PTPRM: variants seen among roughly 807,000 people sequenced by gnomAD.
PTPRM encodes protein tyrosine phosphatase receptor type M, also known as receptor-type tyrosine-protein phosphatase mu.
PTPRM carries 47 observed loss-of-function variants against 186.7 expected under a neutral mutation model. That is an observed-to-expected ratio of 0.25 (90% confidence interval 0.20 to 0.32). The LOEUF (loss-of-function observed/expected upper bound fraction) is 0.32, where lower values mean the gene tolerates loss of function less well. Among genes scored for constraint, PTPRM ranks in the 10% least tolerant of loss-of-function variants. The pLI is 1.00. For missense variants in PTPRM, 1,494 were observed against 1,865.0 expected, an observed-to-expected ratio of 0.80 and a Z score of 3.66; for synonymous variants, 668 against 674.9, an observed-to-expected ratio of 0.99 and a Z score of 0.16.
intron 2 of PTPRM, among the ~76,000 whole-genome samples, chr18:7,789,932 G>C (rs2043259579): frequency 6.6e-6 from 1 of 152,322 alleles, no homozygotes; most frequent in South Asian, 2.1e-4. Flanking sequence ...AAATGAGGCA[G>C]TAGCTTCTTT....
intron 1 of PTPRM, among the ~76,000 whole-genome samples, chr18:7,665,473 G>C (rs1159597508): frequency 1.3e-5 from 2 of 152,106 alleles, no homozygotes; most frequent in Non-Finnish European, 1.5e-5. Flanking sequence ...GTAAGATCAG[G>C]TTCTAGTTTA....
At chr18:7,946,752 A>G (rs2052551440) in intron 5 of PTPRM, 1 of 338,770 alleles carries the variant, frequency 3.0e-6, no homozygotes, top group Admixed American at 4.0e-5. Context: ...ATTGTGTGGT[A>G]TAAACAAGAC....
At chr18:7,857,607 T>C (rs1467370564) in intron 2 of PTPRM, among the ~76,000 whole-genome samples, 4 of 152,166 alleles carry the variant, frequency 2.6e-5, no homozygotes, top group African/African-American at 7.2e-5. Flanking sequence ...TCTTCTCCAT[T>C]TGCCCTTCCT....
At chr18:7,586,781 G>T (rs1004880990) in intron 1 of PTPRM, among the ~76,000 whole-genome samples, 3 of 152,134 alleles carry the variant, frequency 2.0e-5, no homozygotes, top group African/African-American at 7.2e-5. Context: ...GAGAAGGAGA[G>T]AACGTATGCC....
intron 2 of PTPRM, among the ~76,000 whole-genome samples, chr18:7,878,644 A>G (rs563046952): frequency 6.6e-6 from 1 of 152,324 alleles, no homozygotes; most frequent in Admixed American, 6.5e-5. Flanking sequence ...GTAAAAGCTA[A>G]CTGCACAATT....
At chr18:7,975,360 A>G (rs149341677) in intron 7 of PTPRM, among the ~76,000 whole-genome samples, 31 of 152,366 alleles carry the variant, frequency 2.0e-4, no homozygotes, top group African/African-American at 7.2e-4. Context: ...AAAACTTACA[A>G]GCAACCTAGA....
chr18:7,752,059 G>A (rs2041243515), intron 1 of PTPRM, among the ~76,000 whole-genome samples: 1 of 152,212 alleles, frequency 6.6e-6, no homozygotes, highest in South Asian at 2.1e-4. Flanking sequence ...CTTTTCTGCT[G>A]TCTGGCATTT....
chr18:8,172,169 C>T (rs1031272349), intron 14 of PTPRM, among the ~76,000 whole-genome samples: 2 of 151,756 alleles, frequency 1.3e-5, no homozygotes, highest in South Asian at 2.1e-4. Flanking sequence ...CACAGTTCTA[C>T]GTGGCTGGGG....
intron 4 of PTPRM, among the ~76,000 whole-genome samples, chr18:7,914,170 A>G (rs1263277155): frequency 1.3e-5 from 2 of 152,132 alleles, no homozygotes; most frequent in East Asian, 1.9e-4. Flanking sequence ...AGACAGATTC[A>G]TGTGCTTTGG....
Position 7,949,169 on chromosome 18 carries a change from C to T in PTPRM, c.664-12C>T. ...TTGCTTCTTTTTGTCCTCCCCACCCCACTTGATACAGGGCATTGATGTGCG... is the reference window on the plus strand; with the variant it reads ...TTGCTTCTTTTTGTCCTCCCCACCCTACTTGATACAGGGCATTGATGTGCG... On this transcript the variant is annotated splice_polypyrimidine_tract_variant and intron_variant, in intron 5 of 32. Coordinates refer to ENST00000580170, the MANE Select transcript of PTPRM (RefSeq NM_001105244.2). 6.3e-7 allele frequency: 1 copy of T among 1,585,044 alleles called. No homozygotes were observed. The highest frequency in any genetic ancestry group is 8.7e-7 in the Non-Finnish European group (1 of 1,156,048).
intron 19 of PTPRM, among the ~76,000 whole-genome samples, chr18:8,258,165 G>A (rs1455079452): frequency 6.6e-6 from 1 of 152,192 alleles, no homozygotes; most frequent in Non-Finnish European, 1.5e-5. Flanking sequence ...AGGAGAAAGA[G>A]CAGAAAGGGC....
intron 19 of PTPRM, among the ~76,000 whole-genome samples, chr18:8,268,800 A>G (rs1473931467): frequency 6.6e-6 from 1 of 152,130 alleles, no homozygotes; most frequent in African/African-American, 2.4e-5. Context: ...GATACCCCAC[A>G]TTAAGAGAAT....
At chr18:8,137,095 G>A (rs1028472105) in intron 13 of PTPRM, among the ~76,000 whole-genome samples, 2 of 152,172 alleles carry the variant, frequency 1.3e-5, no homozygotes, top group East Asian at 3.8e-4. Flanking sequence ...TATTTCCACT[G>A]CTTCCATTTT....
chr18:8,390,360 C>T (rs1000209256), intron 31 of PTPRM, among the ~76,000 whole-genome samples: 1 of 152,150 alleles, frequency 6.6e-6, no homozygotes, highest in Non-Finnish European at 1.5e-5. Flanking sequence ...TTCACGACCG[C>T]GGGTAGATTT....
intron 1 of PTPRM, among the ~76,000 whole-genome samples, chr18:7,759,707 A>G (rs2041678930): frequency 6.6e-6 from 1 of 152,200 alleles, no homozygotes; most frequent in African/African-American, 2.4e-5. Flanking sequence ...GTCTAAATAA[A>G]TATTTTTTTG....
At chr18:8,212,181 G>A (rs902665762) in intron 14 of PTPRM, among the ~76,000 whole-genome samples, 1 of 152,176 alleles carries the variant, frequency 6.6e-6, no homozygotes, top group East Asian at 1.9e-4. Context: ...TAGGAAGGAG[G>A]ACCAAGATGG....
chr18:8,216,378 A>G (rs2094086118), intron 14 of PTPRM, among the ~76,000 whole-genome samples: 1 of 152,220 alleles, frequency 6.6e-6, no homozygotes, highest in Non-Finnish European at 1.5e-5. Flanking sequence ...TAATCTCAAT[A>G]ACAAATAACT....
At chr18:7,672,570 CA>C (rs1270766833) in intron 1 of PTPRM, among the ~76,000 whole-genome samples, 1 of 152,096 alleles carries the variant, frequency 6.6e-6, no homozygotes, top group Non-Finnish European at 1.5e-5. Flanking sequence ...GAATACCTGC[CA>C]AATAGAGTGA....
chr18:7,977,466 C>T (rs1755628735), intron 7 of PTPRM, among the ~76,000 whole-genome samples: 1 of 152,026 alleles, frequency 6.6e-6, no homozygotes, highest in South Asian at 2.1e-4. Flanking sequence ...AGCAGAGGCA[C>T]CGATGGCCTT....
Sources: allele counts gnomAD v4.1 joint callset (sites outside exome capture counted in the v4.1 genomes callset), GRCh38; gene constraint gnomAD v4.1.1; transcripts MANE v1.5; gene names NCBI Gene and HGNC (gene_info 2026-07-23, HGNC 2026-07-21).